Variants in DKC1 observed in about 807,000 individuals in gnomAD.
The protein encoded by DKC1 is H/ACA ribonucleoprotein complex subunit DKC1.
In DKC1, 4 loss-of-function variants were observed where a neutral mutation model predicts 46.7. That is an observed-to-expected ratio of 0.09 (90% CI 0.04 to 0.20). DKC1 has a LOEUF of 0.20. Ranked by LOEUF, DKC1 falls within the 10% of genes least tolerant of loss-of-function variation. DKC1 has a pLI of 1.00. For synonymous variants in DKC1, 141 were observed against 142.4 expected, an observed-to-expected ratio of 0.99 and a Z score of 0.07; for missense variants, 171 against 404.2, an observed-to-expected ratio of 0.42 and a Z score of 4.95.
intron 7 of DKC1, 107 bp from the exon 8 acceptor site, chrX:154,768,195 G>C: frequency 2.0e-6 from 2 of 981,691 alleles, no homozygotes; most frequent in Non-Finnish European, 2.9e-6. Flanking sequence ...TAAGAAGTGT[G>C]TCTGTCACCT....
intron 1 of DKC1, among the ~76,000 whole-genome samples, chrX:154,763,273 T>TG (rs2071703956): frequency 1.8e-5 from 2 of 112,189 alleles, no homozygotes; most frequent in South Asian, 7.4e-4. Context: ...CGCGGTGGCG[T>TG]GGGACGTGGC....
chrX:154,775,859 G>C (rs1557265625), intron 13 of DKC1, among the ~76,000 whole-genome samples: 2 of 112,051 alleles, frequency 1.8e-5, no homozygotes, highest in African/African-American at 6.5e-5. Flanking sequence ...CTTCTGACTT[G>C]TCAGATGTGA....
At chrX:154,767,996 G>A (rs2071770881) in intron 7 of DKC1, 5 of 273,715 alleles carry the variant, frequency 1.8e-5, no homozygotes, top group Admixed American at 5.2e-5. Context: ...GACTATAGGC[G>A]CCCGCCATCA....
chrX:154,770,746 G>A lies in DKC1; in HGVS notation c.916-13G>A. On this transcript the variant is annotated splice_polypyrimidine_tract_variant and intron_variant, in intron 9 of 14. Coordinates refer to ENST00000369550, the MANE Select transcript of DKC1 (RefSeq NM_001363.5). ...AGCAGCTGGGCCCCTTACACTTGGT[G>A]CCATCTCTGCAGGTAAATGCCATCT... is the stretch of plus-strand genomic sequence containing the variant. 8.3e-7 allele frequency: 1 copy of A among 1,211,119 alleles called. No homozygotes were observed. The highest frequency in any genetic ancestry group is 1.1e-6 in the Non-Finnish European group (1 of 895,154).
At position 154,774,586 on chromosome X, in the gene DKC1, CT is replaced by C. The variant is rs782420759; in HGVS notation, c.1156-14del. 9.2e-6 allele frequency: 11 copies of C among 1,199,721 alleles called. No individual in the cohort carries two copies. Among genetic ancestry groups the C allele is most frequent in the Middle Eastern group, 2.3e-4 (1 of 4,328 alleles). ...ATTGACACCATTCTAATGTTGACAC[CT>C]TGATGTTCCACCAGGCAAGTCAGAA... is the stretch of plus-strand genomic sequence containing the variant. On this transcript the variant is annotated splice_polypyrimidine_tract_variant and intron_variant, in intron 11 of 14. Transcript: ENST00000369550.
intron 5 of DKC1, chrX:154,766,602 T>C (rs1557264203): frequency 4.4e-6 from 2 of 451,512 alleles, no homozygotes; most frequent in African/African-American, 2.5e-5. Context: ...ATACTAAGCA[T>C]GTATTCATCA....
chrX:154,775,755 C>T (rs781857291), intron 13 of DKC1, among the ~76,000 whole-genome samples: 2 of 112,379 alleles, frequency 1.8e-5, no homozygotes, highest in Admixed American at 9.4e-5. Context: ...AACTCCACCC[C>T]ATGGAGCTGC....
At chrX:154,769,569 C>T (rs907132220) in intron 9 of DKC1, among the ~76,000 whole-genome samples, 1 of 111,477 alleles carries the variant, frequency 9.0e-6, no homozygotes, top group Non-Finnish European at 1.9e-5. Context: ...GAGTTTGAGA[C>T]CAGCTTGAGC....
At chrX:154,769,994 C>T (rs186585425) in intron 9 of DKC1, among the ~76,000 whole-genome samples, 11 of 110,999 alleles carry the variant, frequency 9.9e-5, no homozygotes, top group African/African-American at 3.3e-4. Flanking sequence ...TAACTTGTAC[C>T]CACTGACCTA....
At chrX:154,763,071 C>T (rs2071700906) in intron 1 of DKC1, 90 bp downstream of exon 1, 4 of 1,036,257 alleles carry the variant, frequency 3.9e-6, no homozygotes, top group Non-Finnish European at 4.0e-6. Flanking sequence ...CGCACGCCTC[C>T]CTCTGGTTCC....
Position 154,769,455 on chromosome X carries a change from G to A in DKC1, c.915+145G>A, listed in dbSNP as rs1280768581. On this transcript the variant is annotated intron_variant, in intron 9 of 14. Coordinates refer to ENST00000369550, the MANE Select transcript of DKC1 (RefSeq NM_001363.5). Reference sequence around the variant, plus strand: ...AATTTAAAGTAAAAGTTTAATGGTAGGCATACTTAAAAATAAGGCACATTA... The same window carrying A: ...AATTTAAAGTAAAAGTTTAATGGTAAGCATACTTAAAAATAAGGCACATTA... 13 of 669,868 alleles carry A rather than the reference G, an allele frequency of 1.9e-5. No individual in the cohort carries two copies. In the Admixed American group the frequency reaches 3.7e-4, roughly 19 times the overall value. 55.2% of individuals were successfully genotyped at this position (669,868 alleles called of 1,213,427 possible).
At position 154,767,321 on chromosome X, in the gene DKC1, G is replaced by A; in HGVS notation, c.579G>A (p.Gln193=). 5 of 1,211,506 alleles carry A rather than the reference G, an allele frequency of 4.1e-6. No homozygotes were observed. The highest frequency in any genetic ancestry group is 3.5e-5 in the African/African-American group (2 of 57,785). The change falls in exon 7 of 15, where the codon CAG becomes CAA. Residue 193 remains glutamine, a synonymous_variant. Transcript: ENST00000369550. ...RPPLIAAVKR[Q]LRVRTIYESK... is the part of the protein sequence containing the mutation. ...CACTTATTGCTGCAGTAAAGAGGCA[G>A]CTCCGAGTGAGGACCATCTACGAGA...
chrX:154,776,469 C>G (rs1401961191), intron 14 of DKC1, 145 bp downstream of exon 14: 8 of 891,171 alleles, frequency 9.0e-6, no homozygotes, highest in Non-Finnish European at 1.3e-5. Context: ...TAGTGCTTCC[C>G]CATGTTCCTG....
chrX:154,771,332 A>G (rs1443299518), intron 10 of DKC1, among the ~76,000 whole-genome samples: 1 of 108,322 alleles, frequency 9.2e-6, no homozygotes, highest in Non-Finnish European at 1.9e-5. Context: ...CTAGGATTAC[A>G]GGTGCACACC....
chrX:154,771,925 C>T (rs1176044590), intron 10 of DKC1, among the ~76,000 whole-genome samples: 2 of 111,993 alleles, frequency 1.8e-5, no homozygotes, highest in Non-Finnish European at 3.8e-5. Context: ...TTTCGAGGAA[C>T]CTCCAAACTG....
At chrX:154,766,774 C>G (rs1372498588) in intron 5 of DKC1, among the ~76,000 whole-genome samples, 2 of 111,822 alleles carry the variant, frequency 1.8e-5, no homozygotes, top group East Asian at 5.6e-4. Context: ...ACACTGAGTA[C>G]TCCCAACTGT....
intron 1 of DKC1, among the ~76,000 whole-genome samples, chrX:154,764,296 C>A (rs2071719396): frequency 9.2e-6 from 1 of 109,087 alleles, no homozygotes; most frequent in Admixed American, 9.8e-5. Flanking sequence ...GGGCACTTAC[C>A]ATGAATGGAG....
At chrX:154,766,130 A>G in intron 4 of DKC1, 86 bp from the exon 5 acceptor site, 1 of 1,064,522 alleles carries the variant, frequency 9.4e-7, no homozygotes, top group Non-Finnish European at 1.3e-6. Flanking sequence ...GCAGTGAATT[A>G]TTTTTCTTTT....
At chrX:154,774,572 T>C in intron 11 of DKC1, 30 bp from the exon 12 acceptor site, 10 of 1,162,588 alleles carry the variant, frequency 8.6e-6, no homozygotes, top group Non-Finnish European at 1.2e-5. Context: ...TTGACACCAT[T>C]CTAATGTTGA....
Sources: allele counts gnomAD v4.1 joint callset (sites outside exome capture counted in the v4.1 genomes callset), GRCh38; gene constraint gnomAD v4.1.1; transcripts MANE v1.5; gene names NCBI Gene and HGNC (gene_info 2026-07-23, HGNC 2026-07-21).